Variants in SNTB1 observed in about 807,000 individuals in gnomAD.
SNTB1 encodes the protein syntrophin beta 1.
Under a neutral mutation model 48.9 loss-of-function variants are expected in SNTB1, and 36 were observed. The observed-to-expected ratio is 0.74, with a 90% CI of 0.56 to 0.97. SNTB1 has a LOEUF of 0.97. SNTB1 is among the 50% of genes least tolerant of loss of function. The pLI is 0.00. For synonymous variants in SNTB1, 299 were observed against 294.6 expected, an observed-to-expected ratio of 1.01 and a Z score of -0.15; for missense variants, 786 against 703.4, an observed-to-expected ratio of 1.12 and a Z score of -1.33.
chr8:120,634,852 AT>A (rs11347235), intron 2 of SNTB1, among the ~76,000 whole-genome samples: 1,710 of 139,138 alleles, frequency 0.012, 25 homozygotes, highest in African/African-American at 0.037. Flanking sequence ...ATTAGTATTC[AT>A]TTTTTTTTTT....
chr8:120,554,854 T>G (rs1815540674), intron 4 of SNTB1, among the ~76,000 whole-genome samples: 1 of 152,134 alleles, frequency 6.6e-6, no homozygotes, highest in Non-Finnish European at 1.5e-5. Flanking sequence ...ACCCGCCAGT[T>G]GAAGTTATAG....
intron 1 of SNTB1, among the ~76,000 whole-genome samples, chr8:120,723,648 T>C (rs541002411): frequency 2.0e-5 from 3 of 152,282 alleles, no homozygotes; most frequent in East Asian, 1.9e-4. Flanking sequence ...CTGGTTCAGA[T>C]AGATAGGCGA....
chr8:120,649,038 C>G (rs1438570454), intron 2 of SNTB1, among the ~76,000 whole-genome samples: 5 of 148,458 alleles, frequency 3.4e-5, no homozygotes, highest in African/African-American at 9.9e-5. Context: ...AAGCACTTCT[C>G]TGTATTGGTT....
intron 1 of SNTB1, among the ~76,000 whole-genome samples, chr8:120,778,707 T>A (rs1819780802): frequency 6.6e-6 from 1 of 152,212 alleles, no homozygotes; most frequent in Non-Finnish European, 1.5e-5. Context: ...AGAGTCCCTG[T>A]CTCTGTGAAC....
chr8:120,605,578 C>T (rs112127174), intron 3 of SNTB1, among the ~76,000 whole-genome samples: 117 of 152,210 alleles, frequency 7.7e-4, no homozygotes, highest in African/African-American at 2.6e-3. Context: ...GTATTAGTGA[C>T]TCCTGCTTGG....
intron 1 of SNTB1, among the ~76,000 whole-genome samples, chr8:120,782,618 A>G (rs1242471001): frequency 1.3e-5 from 2 of 152,118 alleles, no homozygotes; most frequent in African/African-American, 4.8e-5. Flanking sequence ...ACACACACAT[A>G]TATATGTAAA....
intron 4 of SNTB1, chr8:120,571,335 G>A (rs1338515448): frequency 7.8e-7 from 1 of 1,288,012 alleles, no homozygotes; most frequent in South Asian, 1.2e-5. Context: ...GAATGTCTCA[G>A]AATCTGAAGA....
intron 1 of SNTB1, among the ~76,000 whole-genome samples, chr8:120,793,565 A>C: frequency 6.6e-6 from 1 of 152,018 alleles, no homozygotes; most frequent in Non-Finnish European, 1.5e-5. Context: ...TATTCCACTC[A>C]AGGAACCAGC....
chr8:120,704,292 AT>A (rs1818348279), intron 1 of SNTB1, among the ~76,000 whole-genome samples: 1 of 152,244 alleles, frequency 6.6e-6, no homozygotes, highest in African/African-American at 2.4e-5. Flanking sequence ...TTCTACAAAA[AT>A]AAAAATTAAA....
intron 4 of SNTB1, among the ~76,000 whole-genome samples, chr8:120,560,561 C>T (rs1316113606): frequency 6.6e-6 from 1 of 152,156 alleles, no homozygotes; most frequent in Non-Finnish European, 1.5e-5. Flanking sequence ...GATCCCATGT[C>T]TCAGAAAGTT....
At chr8:120,654,033 C>T (rs1369736724) in intron 2 of SNTB1, among the ~76,000 whole-genome samples, 3 of 34,678 alleles carry the variant, frequency 8.7e-5, no homozygotes, top group Non-Finnish European at 2.0e-4. Context: ...GAGCGAGACT[C>T]TGCCTCAAAA....
intron 1 of SNTB1, among the ~76,000 whole-genome samples, chr8:120,785,130 T>C (rs1819900523): frequency 6.6e-6 from 1 of 152,206 alleles, no homozygotes; most frequent in Non-Finnish European, 1.5e-5. Context: ...ATTCAGGCAG[T>C]GGTCACGGGT....
intron 3 of SNTB1, among the ~76,000 whole-genome samples, chr8:120,589,914 T>C (rs763765841): frequency 1.1e-4 from 17 of 152,200 alleles, no homozygotes; most frequent in Non-Finnish European, 2.2e-4. Flanking sequence ...TTTCCTTCTA[T>C]TTCCTAAAAT....
At chr8:120,807,606 G>T (rs1820356814) in intron 1 of SNTB1, among the ~76,000 whole-genome samples, 1 of 152,188 alleles carries the variant, frequency 6.6e-6, no homozygotes, top group African/African-American at 2.4e-5. Flanking sequence ...GTAGGGCTGG[G>T]CCATGTTACA....
intron 1 of SNTB1, chr8:120,775,318 A>T (rs1362802465): frequency 6.6e-6 from 1 of 152,090 alleles, no homozygotes; most frequent in Non-Finnish European, 1.5e-5. Context: ...TACTAACCAC[A>T]TCCTGGTGAT....
intron 1 of SNTB1, among the ~76,000 whole-genome samples, chr8:120,726,199 A>G (rs1052150208): frequency 5.9e-5 from 9 of 152,308 alleles, no homozygotes; most frequent in Middle Eastern, 3.4e-3. Context: ...GTTTTGAAAA[A>G]TCTATTTTTG....
intron 3 of SNTB1, among the ~76,000 whole-genome samples, chr8:120,595,433 AT>A (rs1277612108): frequency 1.3e-5 from 2 of 152,076 alleles, no homozygotes; most frequent in Non-Finnish European, 1.5e-5. Context: ...CCATGGCAAC[AT>A]CAGGAAGTTA....
intron 1 of SNTB1, among the ~76,000 whole-genome samples, chr8:120,761,632 T>C (rs1391445444): frequency 6.6e-6 from 1 of 152,206 alleles, no homozygotes; most frequent in Non-Finnish European, 1.5e-5. Flanking sequence ...ACACATTGTA[T>C]TACCCAAATG....
At chr8:120,591,419 G>A (rs1816239015) in intron 3 of SNTB1, among the ~76,000 whole-genome samples, 1 of 152,076 alleles carries the variant, frequency 6.6e-6, no homozygotes, top group South Asian at 2.1e-4. Flanking sequence ...GGTCAAAGGT[G>A]TACATGCTAT....
Sources: allele counts gnomAD v4.1 joint callset (sites outside exome capture counted in the v4.1 genomes callset), GRCh38; gene constraint gnomAD v4.1.1; transcripts MANE v1.5; gene names NCBI Gene and HGNC (gene_info 2026-07-23, HGNC 2026-07-21).